NLRP13: variants seen among roughly 807,000 people sequenced by gnomAD.
NLRP13 encodes the protein NLR family pyrin domain containing 13.
In NLRP13, 82 loss-of-function variants were observed where a neutral mutation model predicts 94.4. That is an observed-to-expected ratio of 0.87 (90% CI 0.73 to 1.04). The LOEUF (loss-of-function observed/expected upper bound fraction) is 1.04. Among genes scored for constraint, NLRP13 ranks in the 50% least tolerant of loss-of-function variants. The probability of loss-of-function intolerance (pLI) is 0.00; values close to 1 mark genes in which losing one functional copy is unlikely to be tolerated. For synonymous variants in NLRP13, 553 were observed against 464.7 expected, an observed-to-expected ratio of 1.19 and a Z score of -2.45; for missense variants, 1,426 against 1,230.8, an observed-to-expected ratio of 1.16 and a Z score of -2.37.
At chr19:55,901,571 G>C (rs551379711) in intron 9 of NLRP13, among the ~76,000 whole-genome samples, 1 of 152,184 alleles carries the variant, frequency 6.6e-6, no homozygotes, top group Admixed American at 6.5e-5. Flanking sequence ...GAAAGAGAAG[G>C]AAAGGGAAGG....
At chr19:55,903,378 A>G (rs1315063656) in intron 8 of NLRP13, among the ~76,000 whole-genome samples, 1 of 152,042 alleles carries the variant, frequency 6.6e-6, no homozygotes, top group Non-Finnish European at 1.5e-5. Flanking sequence ...TGTGCTTTTT[A>G]TACTCACCTG....
chr19:55,932,009 A>C lies in NLRP13; in HGVS notation c.303T>G (p.Val101=). ...GACTCTCACCTTTCATCTCGGCTCT[A>C]ACTTTCTCACACAGTGAGGTCAGAT... ...TMNLTSLCEK[V]RAEMKENVQT... Residue 101 remains valine, a synonymous_variant, in exon 1 of 11, where the codon GTT becomes GTG. Transcript: ENST00000342929. The C allele has an allele frequency of 1.2e-6, 2 of 1,613,488 alleles. No individual in the cohort carries two copies. Among genetic ancestry groups the C allele is most frequent in the East Asian group, 4.5e-5 (2 of 44,816 alleles).
Position 55,907,937 on chromosome 19 carries a change from C to T in NLRP13, c.2302G>A (p.Glu768Lys). 6.2e-7 allele frequency: 1 copy of T among 1,601,272 alleles called. No individual in the cohort carries two copies. The highest frequency in any genetic ancestry group is 1.1e-5 in the South Asian group (1 of 89,996). Residue 768 changes from glutamate (E) to lysine (K), a missense_variant, in exon 7 of 11, where the codon GAG becomes AAG. Transcript: ENST00000342929. ...QKLTCKSVTPEWVLQDLIIAL... is the reference protein window; with the variant it reads ...QKLTCKSVTPKWVLQDLIIAL... The stretch of plus-strand genomic sequence containing the variant: ...ATAATGAGGTCCTGCAGAACCCACT[C>T]AGGAGTTACCGATTTGCACCTGAGG...
intron 4 of NLRP13, among the ~76,000 whole-genome samples, chr19:55,922,058 C>T (rs1986842336): frequency 6.6e-6 from 1 of 152,176 alleles, no homozygotes; most frequent in African/African-American, 2.4e-5. Flanking sequence ...GGAGCAAAGA[C>T]ACAACTTACC....
chr19:55,892,398 CAT>C (rs1491499660), downstream of NLRP13, among the ~76,000 whole-genome samples: 1 of 151,332 alleles, frequency 6.6e-6, no homozygotes. Flanking sequence ...TACACACACA[CAT>C]ATTCATATAC....
chr19:55,896,820 C>CAAAAAAAAAA (rs3073244), intron 10 of NLRP13, among the ~76,000 whole-genome samples: 4 of 80,914 alleles, frequency 4.9e-5, no homozygotes, highest in African/African-American at 8.0e-5. Flanking sequence ...CTCCATCTCA[C>CAAAAAAAAAA]AAAAAAAAAA....
At chr19:55,926,755 C>G (rs1986975216) in intron 1 of NLRP13, among the ~76,000 whole-genome samples, 2 of 151,492 alleles carry the variant, frequency 1.3e-5, no homozygotes, top group African/African-American at 4.9e-5. Flanking sequence ...AAGGTCCCCC[C>G]AAAAAAATGC....
At position 55,896,074 on chromosome 19, in the gene NLRP13, G is replaced by C; in HGVS notation, c.3003C>G (p.Phe1001Leu). Residue 1001 changes from phenylalanine to leucine, a missense_variant, in exon 11 of 11, where the codon TTC becomes TTG. Coordinates refer to ENST00000342929, the MANE Select transcript of NLRP13 (RefSeq NM_176810.2). The stretch of plus-strand genomic sequence containing the variant: ...GGCTCTTACTGCTGCTGAGAACAGA[G>C]AAGAGATGCTGGCAGCAAGCAGTTG... The part of the protein sequence containing the change: ...NLTTACCQHL[F>L]SVLSSSKSLV... The C allele has an allele frequency of 6.2e-7, 1 of 1,614,156 alleles. No individual in the cohort carries two copies. The highest frequency in any genetic ancestry group is 2.2e-5 in the East Asian group (1 of 44,886).
Position 55,932,328 on chromosome 19 carries a change from A to G in NLRP13, c.-17T>C. 6.3e-7 allele frequency: 1 copy of G among 1,593,800 alleles called. No homozygotes were observed. Among genetic ancestry groups the G allele is most frequent in the East Asian group, 2.2e-5 (1 of 44,832 alleles). On this transcript the variant is annotated 5_prime_UTR_variant, in exon 1 of 11. Coordinates refer to ENST00000342929, the MANE Select transcript of NLRP13 (RefSeq NM_176810.2). The stretch of plus-strand genomic sequence containing the variant: ...AAAGTTCATCTTGCCCAACACATGC[A>G]GTTTCTCACTTCAGCAAAGGACTCC...
At chr19:55,892,608 A>G (rs1985887664), downstream of NLRP13, among the ~76,000 whole-genome samples, 1 of 151,982 alleles carries the variant, frequency 6.6e-6, no homozygotes, top group Non-Finnish European at 1.5e-5. Flanking sequence ...TTTAGTAGAG[A>G]TGGGGTTTCA....
At chr19:55,900,777 A>ACAAC (rs768968390) in intron 9 of NLRP13, among the ~76,000 whole-genome samples, 3 of 146,466 alleles carry the variant, frequency 2.0e-5, no homozygotes. Flanking sequence ...CTCCATCTTA[A>ACAAC]AAAAAAAAAA....
Position 55,911,769 on chromosome 19 carries a change from C to T in NLRP13, c.2048G>A (p.Arg683Lys). ...AACAGAAAGCCTTAGCTTATTTAAC[C>T]TTTTACAGTGCTTTAGGCAAAATGA... is the stretch of plus-strand genomic sequence containing the variant. ...ASSFCLKHCK[R>K]LNKLRLSVSS... Residue 683 changes from arginine (R) to lysine (K), a missense_variant, in exon 5 of 11, where the codon AGG becomes AAG. Arg to Lys is a conservative substitution (Grantham distance 26). Coordinates refer to ENST00000342929, the MANE Select transcript of NLRP13 (RefSeq NM_176810.2). 6.2e-7 allele frequency: 1 copy of T among 1,613,972 alleles called. No homozygotes were observed. Among genetic ancestry groups the T allele is most frequent in the Admixed American group, 1.7e-5 (1 of 59,990 alleles).
chr19:55,904,220 G>A (rs138660656), intron 8 of NLRP13, among the ~76,000 whole-genome samples: 68 of 152,282 alleles, frequency 4.5e-4, no homozygotes, highest in African/African-American at 1.4e-3. Context: ...TGCCTCCTGA[G>A]TGGCTGGGAT....
At chr19:55,898,194 G>GTTT (rs1209396021) in intron 10 of NLRP13, among the ~76,000 whole-genome samples, 8 of 59,266 alleles carry the variant, frequency 1.3e-4, no homozygotes, top group African/African-American at 5.6e-4. Flanking sequence ...TAGCAGGAGA[G>GTTT]TTTTTGTTTT....
intron 7 of NLRP13, among the ~76,000 whole-genome samples, chr19:55,906,058 C>T (rs903851581): frequency 2.0e-5 from 3 of 152,086 alleles, no homozygotes; most frequent in African/African-American, 7.2e-5. Flanking sequence ...AAAGAAGAGG[C>T]CAGGCGTGGT....
intron 8 of NLRP13, 108 bp from the exon 9 acceptor site, chr19:55,902,313 C>G: frequency 1.2e-6 from 1 of 867,080 alleles, no homozygotes; most frequent in Non-Finnish European, 1.8e-6. Flanking sequence ...CAGCAGCTCC[C>G]TGGACGACAA....
downstream of NLRP13, among the ~76,000 whole-genome samples, chr19:55,893,874 C>T (rs1182099262): frequency 2.2e-4 from 33 of 152,062 alleles, no homozygotes; most frequent in Admixed American, 2.1e-3. Flanking sequence ...GTCCCAGAAC[C>T]CTTTTTAAAA....
At chr19:55,926,567 G>C (rs1477537397) in intron 1 of NLRP13, among the ~76,000 whole-genome samples, 1 of 152,048 alleles carries the variant, frequency 6.6e-6, no homozygotes, top group Non-Finnish European at 1.5e-5. Flanking sequence ...CTCCCCCCAG[G>C]CTCCATAGGT....
At chr19:55,924,100 G>GA in intron 3 of NLRP13, 121 bp from the exon 4 acceptor site, 1 of 751,474 alleles carries the variant, frequency 1.3e-6, no homozygotes, top group East Asian at 2.5e-5. Context: ...AGAGACTGGA[G>GA]AAATCAGCAT....
Sources: allele counts gnomAD v4.1 joint callset (sites outside exome capture counted in the v4.1 genomes callset), GRCh38; gene constraint gnomAD v4.1.1; transcripts MANE v1.5; gene names NCBI Gene and HGNC (gene_info 2026-07-23, HGNC 2026-07-21).